Variants in MEMO1 observed in about 807,000 individuals in gnomAD.
MEMO1 encodes mediator of cell motility 1, also known as protein MEMO1.
A neutral mutation model predicts 45.2 loss-of-function variants in MEMO1; 6 were observed. The ratio of observed to expected loss-of-function variants is 0.13; its 90% CI spans 0.07 to 0.26. MEMO1 has a LOEUF of 0.26. Among genes scored for constraint, MEMO1 ranks in the 10% least tolerant of loss-of-function variants. The probability of loss-of-function intolerance (pLI) is 1.00; values close to 1 mark genes in which losing one functional copy is unlikely to be tolerated. For synonymous variants in MEMO1, 78 were observed against 124.3 expected (o/e 0.63, Z 2.48); for missense variants, 184 against 370.5 (o/e 0.50, Z 4.13).
rs758359349 is a variant in MEMO1 at position 31,966,732 on chromosome 2, C to CAAAAAAAAAAAAAAA, written c.62-23350_62-23349insTTTTTTTTTTTTTTT. Among the ~76,000 whole-genome samples, 20 of 117,846 alleles carry CAAAAAAAAAAAAAAA rather than the reference C, an allele frequency of 1.7e-4. 2 individuals are homozygous for CAAAAAAAAAAAAAAA. Among genetic ancestry groups the CAAAAAAAAAAAAAAA allele is most frequent in the Admixed American group, 6.0e-4 (6 of 10,026 alleles). 77.3% of individuals were successfully genotyped at this position (117,846 alleles called of 152,430 possible). On this transcript the variant is annotated intron_variant, in intron 2 of 9. Coordinates refer to ENST00000404530, the MANE Select transcript of MEMO1 (RefSeq NM_001301833.4). ...TGGGTAACAGAGCAAGACTCTGTCTCAAAAAAAAAAAATGAAAAAAATAAA... is the reference window on the plus strand; with the variant it reads ...TGGGTAACAGAGCAAGACTCTGTCTCAAAAAAAAAAAAAAAAAAAAAAAAAAATGAAAAAAATAAA...
chr2:31,961,617 AC>A (rs1300448874), intron 2 of MEMO1, among the ~76,000 whole-genome samples: 1 of 147,748 alleles, frequency 6.8e-6, no homozygotes, highest in Non-Finnish European at 1.5e-5. Flanking sequence ...TTAAAAAAAA[AC>A]AAAAAAAAAA....
chr2:31,915,877 C>T lies in MEMO1; in HGVS notation c.437+2049G>A, dbSNP rs942560261. Reference sequence around the variant, plus strand: ...TTTAAATCTAAGTTTTACTAAGTTACTTTTACTTAGTAAAAGATAACTAAT... The same window carrying T: ...TTTAAATCTAAGTTTTACTAAGTTATTTTTACTTAGTAAAAGATAACTAAT... On this transcript the variant is annotated intron_variant, in intron 6 of 9. Coordinates refer to ENST00000404530, the MANE Select transcript of MEMO1 (RefSeq NM_001301833.4). 3.9e-5 allele frequency among the ~76,000 whole-genome samples: 6 copies of T among 152,060 alleles called. No homozygotes were observed. The East Asian group carries it at 7.7e-4, about 20-fold the overall frequency.
intron 2 of MEMO1, among the ~76,000 whole-genome samples, chr2:31,978,855 C>T (rs1018393136): frequency 3.3e-5 from 5 of 152,122 alleles, no homozygotes; most frequent in Non-Finnish European, 7.3e-5. Flanking sequence ...CTATTATGGC[C>T]ATCTTTACAC....
At chr2:31,975,759 T>C (rs1352779192) in intron 2 of MEMO1, among the ~76,000 whole-genome samples, 2 of 152,188 alleles carry the variant, frequency 1.3e-5, no homozygotes, top group Non-Finnish European at 2.9e-5. Flanking sequence ...ATTAAAAATA[T>C]AGAGACAATT....
chr2:31,876,145 T>G (rs1674529015), intron 8 of MEMO1, among the ~76,000 whole-genome samples: 1 of 152,216 alleles, frequency 6.6e-6, no homozygotes, highest in African/African-American at 2.4e-5. Context: ...TCCCTGCCTC[T>G]TTTATACACA....
At chr2:31,978,967 C>G (rs35179884) in intron 2 of MEMO1, among the ~76,000 whole-genome samples, 19,808 of 151,894 alleles carry the variant, frequency 0.13, 1,459 homozygotes, top group Middle Eastern at 0.2. Context: ...CCATCCCCCC[C>G]CAAAAAAAAG....
intron 2 of MEMO1, among the ~76,000 whole-genome samples, chr2:31,961,599 T>C (rs887841440): frequency 4.8e-5 from 7 of 147,276 alleles, no homozygotes; most frequent in Non-Finnish European, 1.0e-4. Flanking sequence ...TCTGTCTCTA[T>C]AAAAAATTTA....
At chr2:31,895,596 C>A (rs1159294192) in intron 6 of MEMO1, among the ~76,000 whole-genome samples, 1 of 152,040 alleles carries the variant, frequency 6.6e-6, no homozygotes, top group African/African-American at 2.4e-5. Context: ...AGAAAAAGAA[C>A]AGAGCATTGG....
chr2:31,900,511 T>A (rs184279864), intron 6 of MEMO1, among the ~76,000 whole-genome samples: 1 of 151,474 alleles, frequency 6.6e-6, no homozygotes, highest in African/African-American at 2.4e-5. Flanking sequence ...GAGGGAAACA[T>A]CACACACCGG....
intron 7 of MEMO1, among the ~76,000 whole-genome samples, chr2:31,888,527 G>A (rs957451313): frequency 6.6e-6 from 1 of 151,852 alleles, no homozygotes; most frequent in African/African-American, 2.4e-5. Context: ...ATTAAAATAG[G>A]TCCAGACAAA....
At chr2:31,976,358 A>T (rs1257196471) in intron 2 of MEMO1, among the ~76,000 whole-genome samples, 1 of 152,164 alleles carries the variant, frequency 6.6e-6, no homozygotes, top group Non-Finnish European at 1.5e-5. Flanking sequence ...AGGGCAGATG[A>T]CTTGAAGCCA....
intron 2 of MEMO1, among the ~76,000 whole-genome samples, chr2:31,946,164 A>G (rs1666169422): frequency 6.6e-6 from 1 of 152,216 alleles, no homozygotes; most frequent in African/African-American, 2.4e-5. Context: ...TTAAAGGTTC[A>G]CATTCCCCTA....
chr2:31,871,092 T>C lies in MEMO1; in HGVS notation c.658-1140A>G, dbSNP rs17766725. ...ATAATGTATTTACAACTCATTAATA[T>C]AGAGCAACTTTAACTCACCAAGTCG... On this transcript the variant is annotated intron_variant, in intron 8 of 9. Transcript: ENST00000404530. Among the ~76,000 whole-genome samples the C allele has an allele frequency of 1.8e-3, 278 of 152,354 alleles. 1 individual carries two copies. The highest frequency in any genetic ancestry group is 3.3e-3 in the Non-Finnish European group (226 of 68,030).
chr2:31,967,155 G>A (rs1332375195), intron 2 of MEMO1, among the ~76,000 whole-genome samples: 5 of 146,584 alleles, frequency 3.4e-5, no homozygotes, highest in African/African-American at 1.3e-4. Context: ...ACGGAGTCTC[G>A]CTTTGTTGCC....
At chr2:31,981,187 G>A (rs1191922532) in intron 2 of MEMO1, among the ~76,000 whole-genome samples, 1 of 152,152 alleles carries the variant, frequency 6.6e-6, no homozygotes, top group African/African-American at 2.4e-5. Context: ...TCTGAAGGAG[G>A]GCCCCACAGA....
At chr2:31,956,053 A>C (rs1667379390) in intron 2 of MEMO1, among the ~76,000 whole-genome samples, 1 of 152,226 alleles carries the variant, frequency 6.6e-6, no homozygotes, top group South Asian at 2.1e-4. Flanking sequence ...CATAAAAAGC[A>C]ACCACCTCAA....
intron 2 of MEMO1, among the ~76,000 whole-genome samples, chr2:31,977,609 G>A (rs1017435251): frequency 6.6e-6 from 1 of 152,062 alleles, no homozygotes; most frequent in African/African-American, 2.4e-5. Context: ...TGCCTCCTAG[G>A]TACAAGCGAT....
At chr2:31,996,356 T>C (rs1296862945) in intron 2 of MEMO1, among the ~76,000 whole-genome samples, 1 of 152,184 alleles carries the variant, frequency 6.6e-6, no homozygotes, top group East Asian at 1.9e-4. Flanking sequence ...GAGACAAACC[T>C]GGACAACATG....
chr2:31,949,748 T>C (rs1666619084), intron 2 of MEMO1, among the ~76,000 whole-genome samples: 1 of 152,036 alleles, frequency 6.6e-6, no homozygotes, highest in Admixed American at 6.6e-5. Flanking sequence ...TAAAATAATT[T>C]AGAGTATGAT....
Sources: gnomAD v4.1 joint callset for allele counts (sites outside exome capture counted in the v4.1 genomes callset) on GRCh38, gnomAD v4.1.1 for gene constraint, MANE v1.5 for transcripts, NCBI Gene and HGNC (gene_info 2026-07-23, HGNC 2026-07-21) for gene names.